The following SDCBP variants were observed in gnomAD, a reference collection of about 807,000 sequenced individuals.
SDCBP encodes syntenin-1.
Under a neutral mutation model 30.5 loss-of-function variants are expected in SDCBP, and 22 were observed. The ratio of observed to expected loss-of-function variants is 0.72; its 90% CI spans 0.52 to 1.03. The LOEUF is 1.03. Among genes scored for constraint, SDCBP ranks in the 50% least tolerant of loss-of-function variants. SDCBP has a pLI of 0.00. For missense variants in SDCBP, 304 were observed against 369.9 expected (o/e 0.82, Z 1.46); for synonymous variants, 103 against 118.7 (o/e 0.87, Z 0.86).
At chr8:58,578,642 A>G (rs928869752) in intron 6 of SDCBP, among the ~76,000 whole-genome samples, 1 of 152,222 alleles carries the variant, frequency 6.6e-6, no homozygotes, top group Non-Finnish European at 1.5e-5. Context: ...GTAGTTTTCA[A>G]GAACATGGAA....
chr8:58,575,390 G>T (rs1360166615), intron 4 of SDCBP, among the ~76,000 whole-genome samples: 1 of 152,164 alleles, frequency 6.6e-6, no homozygotes, highest in Non-Finnish European at 1.5e-5. Flanking sequence ...TTAATCCATA[G>T]ATGGTTACTA....
chr8:58,563,441 G>A (rs1252654429), intron 1 of SDCBP, among the ~76,000 whole-genome samples: 3 of 152,074 alleles, frequency 2.0e-5, no homozygotes, highest in Non-Finnish European at 2.9e-5. Context: ...GGAGGCATGA[G>A]TTTTCTTTTG....
At chr8:58,555,840 T>C (rs959814496) in intron 1 of SDCBP, among the ~76,000 whole-genome samples, 11 of 151,934 alleles carry the variant, frequency 7.2e-5, no homozygotes, top group Non-Finnish European at 5.9e-5. Context: ...CCTCTGAAAG[T>C]GCTAGGATTA....
intron 5 of SDCBP, among the ~76,000 whole-genome samples, chr8:58,577,823 A>G (rs1176530612): frequency 2.0e-5 from 3 of 152,060 alleles, no homozygotes; most frequent in African/African-American, 7.2e-5. Flanking sequence ...TTTTTGCCTT[A>G]TTCTTTGGAG....
intron 4 of SDCBP, among the ~76,000 whole-genome samples, chr8:58,575,549 G>A (rs995984178): frequency 3.3e-5 from 5 of 152,172 alleles, no homozygotes; most frequent in African/African-American, 9.7e-5. Flanking sequence ...GTCAAAGATC[G>A]TGACATCATG....
At chr8:58,577,750 G>C (rs1805424263) in intron 5 of SDCBP, among the ~76,000 whole-genome samples, 1 of 152,168 alleles carries the variant, frequency 6.6e-6, no homozygotes, top group Non-Finnish European at 1.5e-5. Context: ...AAGTTGAAGG[G>C]GGGGATTGTG....
At chr8:58,576,108 A>G (rs1242816974) in intron 5 of SDCBP, 47 bp downstream of exon 5, 2 of 1,302,998 alleles carry the variant, frequency 1.5e-6, no homozygotes, top group African/African-American at 1.5e-5. Flanking sequence ...TCTCTTACAT[A>G]ATAAGTGATT....
At chr8:58,574,975 G>A (rs1016757208) in intron 4 of SDCBP, among the ~76,000 whole-genome samples, 2 of 152,154 alleles carry the variant, frequency 1.3e-5, no homozygotes. Flanking sequence ...GTACTCATAT[G>A]ATAACTGAGA....
chr8:58,582,250 C>T lies in SDCBP; in HGVS notation c.*510C>T, dbSNP rs1212430197. On this transcript the variant is annotated 3_prime_UTR_variant, in exon 9 of 9. Coordinates refer to ENST00000260130, the MANE Select transcript of SDCBP (RefSeq NM_005625.4). ...GAACACTGGTTTCATTCCATGTAAG[C>T]ATTAAACAGTGTATGTAGGTTTCAA... 1.9e-5 allele frequency: 3 copies of T among 153,930 alleles called. No individual in the cohort carries two copies. Among genetic ancestry groups the T allele is most frequent in the African/African-American group, 7.3e-5 (3 of 41,376 alleles). The allele number at this position is 153,930 out of a possible 1,614,324, so 9.5% of individuals were successfully genotyped here.
At position 58,582,050 on chromosome 8, in the gene SDCBP, C is replaced by T; in HGVS notation, c.*310C>T. ...TTGTGATTAGGATGACTGTTACAGGCTTAGCTTTGTGTGAAAACCAGTCAC... is the reference window on the plus strand; with the variant it reads ...TTGTGATTAGGATGACTGTTACAGGTTTAGCTTTGTGTGAAAACCAGTCAC... On this transcript the variant is annotated 3_prime_UTR_variant, in exon 9 of 9. Coordinates refer to ENST00000260130, the MANE Select transcript of SDCBP (RefSeq NM_005625.4). 1 of 319,584 alleles carries T rather than the reference C, an allele frequency of 3.1e-6. No homozygotes were observed. The highest frequency in any genetic ancestry group is 5.9e-6 in the Non-Finnish European group (1 of 170,760). The allele number at this position is 319,584 out of a possible 1,614,324, so 19.8% of individuals were successfully genotyped here.
chr8:58,561,312 T>G (rs1804429903), intron 1 of SDCBP: 1 of 153,542 alleles, frequency 6.5e-6, no homozygotes, highest in Admixed American at 6.5e-5. Context: ...AAAGCTTATT[T>G]GAAGAAATAC....
intron 1 of SDCBP, among the ~76,000 whole-genome samples, chr8:58,563,193 C>G (rs566584016): frequency 1.3e-5 from 2 of 152,250 alleles, no homozygotes; most frequent in African/African-American, 4.8e-5. Context: ...CAAATGTCAT[C>G]AGCTGATGAC....
chr8:58,570,842 A>G (rs777802951), intron 2 of SDCBP, 45 bp from the exon 3 acceptor site: 7 of 1,268,182 alleles, frequency 5.5e-6, no homozygotes, highest in Non-Finnish European at 8.0e-6. Context: ...AAGAATATAA[A>G]GTAAGTATAG....
rs1361098688 is a variant in SDCBP at position 58,575,885 on chromosome 8, A to G, written c.241-15A>G. ...GTGTTTCTAGATATTGACACATTGT[A>G]TATGGTTTTGTCAGCAGTTGGTAGC... On this transcript the variant is annotated splice_polypyrimidine_tract_variant and intron_variant, in intron 4 of 8. Transcript: ENST00000260130. 2 of 1,601,580 alleles carry G rather than the reference A, an allele frequency of 1.2e-6. No homozygotes were observed. The highest frequency in any genetic ancestry group is 8.5e-7 in the Non-Finnish European group (1 of 1,170,546).
At chr8:58,569,167 C>T (rs1041297026) in intron 2 of SDCBP, among the ~76,000 whole-genome samples, 4 of 152,230 alleles carry the variant, frequency 2.6e-5, no homozygotes, top group East Asian at 1.9e-4. Flanking sequence ...CTCAGCCTCC[C>T]GGGTAGCTGG....
In SDCBP at chr8:58,555,475, G is replaced by A. The variant is rs184783450; in HGVS notation, c.-16+2172G>A. Reference sequence around the variant, plus strand: ...ATTCTATTACAGTGGACTTCATATGGACATACTTCTTAATGGCTGATCATC... The same window carrying A: ...ATTCTATTACAGTGGACTTCATATGAACATACTTCTTAATGGCTGATCATC... On this transcript the variant is annotated intron_variant, in intron 1 of 8. Coordinates refer to ENST00000260130, the MANE Select transcript of SDCBP (RefSeq NM_005625.4). Among the ~76,000 whole-genome samples, 677 of 152,188 alleles carry A rather than the reference G, an allele frequency of 4.4e-3. 6 individuals are homozygous for A. Among genetic ancestry groups the A allele is most frequent in the Non-Finnish European group, 4.5e-3 (308 of 68,004 alleles).
intron 7 of SDCBP, among the ~76,000 whole-genome samples, chr8:58,580,266 T>C (rs113186562): frequency 0.016 from 2,456 of 152,282 alleles, 73 homozygotes; most frequent in African/African-American, 0.056. Context: ...ATGGTAATAT[T>C]GTATATGGGG....
At chr8:58,572,645 T>G (rs532176695) in intron 4 of SDCBP, among the ~76,000 whole-genome samples, 1 of 152,232 alleles carries the variant, frequency 6.6e-6, no homozygotes, top group South Asian at 2.1e-4. Context: ...AGTCCTACTA[T>G]AACCATATTC....
At chr8:58,565,470 T>A (rs1364390705) in intron 2 of SDCBP, among the ~76,000 whole-genome samples, 1 of 152,150 alleles carries the variant, frequency 6.6e-6, no homozygotes, top group Non-Finnish European at 1.5e-5. Context: ...CTATGTCTCT[T>A]AACTGAAGTT....
Sources: allele counts gnomAD v4.1 joint callset (sites outside exome capture counted in the v4.1 genomes callset), GRCh38; gene constraint gnomAD v4.1.1; transcripts MANE v1.5; gene names NCBI Gene and HGNC (gene_info 2026-07-23, HGNC 2026-07-21).